Variants in TAFA5 observed in about 807,000 individuals in gnomAD.
TAFA5 encodes TAFA chemokine like family member 5.
In TAFA5, 6 loss-of-function variants were observed where a neutral mutation model predicts 15.3. That is an observed-to-expected ratio of 0.39 (90% CI 0.21 to 0.77). TAFA5 has a LOEUF of 0.77. TAFA5 is among the 30% of genes least tolerant of loss of function. The pLI, the probability that TAFA5 is intolerant of heterozygous loss-of-function variation, is 0.41. For missense variants in TAFA5, 161 were observed against 193.1 expected (o/e 0.83, Z 0.98); for synonymous variants, 103 against 80.7 (o/e 1.28, Z -1.48).
intron 1 of TAFA5, among the ~76,000 whole-genome samples, chr22:48,642,716 A>G (rs1364679977): frequency 6.6e-6 from 1 of 152,038 alleles, no homozygotes; most frequent in Non-Finnish European, 1.5e-5. Flanking sequence ...TGTGTGATAT[A>G]TGCTGACCCA....
At chr22:48,623,760 C>T (rs1451386317) in intron 1 of TAFA5, among the ~76,000 whole-genome samples, 4 of 152,214 alleles carry the variant, frequency 2.6e-5, no homozygotes, top group Admixed American at 6.5e-5. Flanking sequence ...AGCCTATTGC[C>T]CTTCGTATTT....
At position 48,723,680 on chromosome 22, in the gene TAFA5, A is replaced by G. The variant is rs572070950; in HGVS notation, c.390+15836A>G. Among the ~76,000 whole-genome samples the G allele has an allele frequency of 3.2e-4, 49 of 152,328 alleles. 1 individual carries two copies. The highest frequency in any genetic ancestry group is 6.8e-3 in the Middle Eastern group (2 of 294). On this transcript the variant is annotated intron_variant, in intron 3 of 3. Transcript: ENST00000402357. The stretch of plus-strand genomic sequence containing the variant: ...TAGGGTGGGAGACCTTGTGGAAGTC[A>G]GTTTATCTTTAGAGTTTCAGTTTCC...
At chr22:48,507,662 C>T (rs1921048108) in intron 1 of TAFA5, among the ~76,000 whole-genome samples, 1 of 152,158 alleles carries the variant, frequency 6.6e-6, no homozygotes, top group African/African-American at 2.4e-5. Flanking sequence ...GTGCGCTTGG[C>T]CTGCGGAAGA....
At chr22:48,515,445 C>G (rs1274594486) in intron 1 of TAFA5, among the ~76,000 whole-genome samples, 2 of 152,164 alleles carry the variant, frequency 1.3e-5, no homozygotes, top group East Asian at 3.9e-4. Context: ...GTCACCTTCA[C>G]GGCACCCCTC....
chr22:48,732,319 C>T lies in TAFA5; in HGVS notation c.391-17520C>T, dbSNP rs920075120. On this transcript the variant is annotated intron_variant, in intron 3 of 3. Transcript: ENST00000402357. ...AGGCTGGAGTGCAGTGGCGCAATTT[C>T]GGCTCACTGGAACTGCAAGCTCCGC... Among the ~76,000 whole-genome samples, 74 of 152,258 alleles carry T rather than the reference C, an allele frequency of 4.9e-4. 1 individual carries two copies. The highest frequency in any genetic ancestry group is 8.7e-4 in the Non-Finnish European group (59 of 68,032).
chr22:48,710,998 G>A (rs113172960), intron 3 of TAFA5, among the ~76,000 whole-genome samples: 1 of 152,162 alleles, frequency 6.6e-6, no homozygotes, highest in African/African-American at 2.4e-5. Flanking sequence ...GAGACCCCAA[G>A]TGGCTTTCAG....
intron 1 of TAFA5, among the ~76,000 whole-genome samples, chr22:48,603,177 C>A (rs1242357043): frequency 3.3e-5 from 5 of 152,234 alleles, no homozygotes; most frequent in Admixed American, 6.5e-5. Flanking sequence ...AAAATGGGTG[C>A]CCGTGCATTC....
intron 2 of TAFA5, among the ~76,000 whole-genome samples, 183 bp from the exon 3 acceptor site, chr22:48,707,534 A>G (rs1033176645): frequency 1.3e-5 from 2 of 152,084 alleles, no homozygotes; most frequent in Non-Finnish European, 2.9e-5. Context: ...GCACTAAACC[A>G]GGAGACCAGG....
intron 2 of TAFA5, among the ~76,000 whole-genome samples, chr22:48,703,624 G>T (rs1471440237): frequency 6.6e-6 from 1 of 152,218 alleles, no homozygotes; most frequent in Non-Finnish European, 1.5e-5. Context: ...AGTGCGCTGT[G>T]GCCTGCGCCG....
intron 1 of TAFA5, among the ~76,000 whole-genome samples, chr22:48,632,062 A>T (rs1475223671): frequency 2.0e-5 from 3 of 152,194 alleles, no homozygotes; most frequent in Non-Finnish European, 4.4e-5. Context: ...CCAGGAATCC[A>T]CATTCTCCAG....
At chr22:48,630,959 G>T (rs1019265286) in intron 1 of TAFA5, among the ~76,000 whole-genome samples, 1 of 152,216 alleles carries the variant, frequency 6.6e-6, no homozygotes, top group Non-Finnish European at 1.5e-5. Context: ...AAGGCCCAGG[G>T]TCACCGAGGA....
At chr22:48,631,440 G>A (rs988495449) in intron 1 of TAFA5, among the ~76,000 whole-genome samples, 3 of 152,204 alleles carry the variant, frequency 2.0e-5, no homozygotes, top group Non-Finnish European at 2.9e-5. Flanking sequence ...CCCCGGCACC[G>A]GTGCGGCCCG....
intron 1 of TAFA5, among the ~76,000 whole-genome samples, chr22:48,492,541 A>G (rs1928191741): frequency 6.6e-6 from 1 of 152,058 alleles, no homozygotes; most frequent in South Asian, 2.1e-4. Context: ...GGATCCATAT[A>G]GAAGGAGATG....
intron 3 of TAFA5, among the ~76,000 whole-genome samples, chr22:48,745,231 G>A (rs1930292807): frequency 6.6e-6 from 1 of 151,314 alleles, no homozygotes; most frequent in African/African-American, 2.4e-5. Context: ...CTGAGCATTG[G>A]CACACACGGC....
At chr22:48,658,767 T>G (rs145516061) in intron 2 of TAFA5, among the ~76,000 whole-genome samples, 1 of 152,138 alleles carries the variant, frequency 6.6e-6, no homozygotes, top group South Asian at 2.1e-4. Flanking sequence ...GGCCCAGACC[T>G]AGGGCGTCGA....
At chr22:48,746,692 G>T (rs1305037958) in intron 3 of TAFA5, among the ~76,000 whole-genome samples, 1 of 152,200 alleles carries the variant, frequency 6.6e-6, no homozygotes. Flanking sequence ...CCCGCCCTGG[G>T]AAGAGGGGTT....
At chr22:48,689,859 C>G (rs1928482929) in intron 2 of TAFA5, among the ~76,000 whole-genome samples, 1 of 152,216 alleles carries the variant, frequency 6.6e-6, no homozygotes, top group Admixed American at 6.5e-5. Flanking sequence ...GTGTAAGTGT[C>G]TCTGAGCCTG....
chr22:48,520,893 G>T (rs955688771), intron 1 of TAFA5, among the ~76,000 whole-genome samples: 3 of 152,198 alleles, frequency 2.0e-5, no homozygotes, highest in Admixed American at 6.5e-5. Context: ...AGGGCCAGGG[G>T]GGGTCGCAGG....
intron 1 of TAFA5, among the ~76,000 whole-genome samples, chr22:48,535,531 G>A (rs966353877): frequency 2.6e-5 from 4 of 152,242 alleles, no homozygotes; most frequent in African/African-American, 7.2e-5. Flanking sequence ...GCACATGTAT[G>A]AGCACTCGTG....
Sources: allele counts gnomAD v4.1 joint callset (sites outside exome capture counted in the v4.1 genomes callset), GRCh38; gene constraint gnomAD v4.1.1; transcripts MANE v1.5; gene names NCBI Gene and HGNC (gene_info 2026-07-23, HGNC 2026-07-21).